The following TDRD6 variants were observed in gnomAD, a reference collection of about 807,000 sequenced individuals.
TDRD6 encodes tudor domain containing 6.
TDRD6 carries 186 observed loss-of-function variants against 157.5 expected under a neutral mutation model. That is an observed-to-expected ratio of 1.18 (90% CI 1.05 to 1.33). The LOEUF is 1.33. Ranked by LOEUF, TDRD6 falls within the 40% of genes most tolerant of loss-of-function variation. The pLI is 0.00. For synonymous variants in TDRD6, 1,075 were observed against 945.2 expected (o/e 1.14, Z -2.52); for missense variants, 3,066 against 2,508.0 (o/e 1.22, Z -4.75).
In TDRD6 at chr6:46,687,950, T is replaced by G. The variant is rs1236298634; in HGVS notation, c.-179T>G. The G allele has an allele frequency of 4.0e-6, 4 of 993,784 alleles. No homozygotes were observed. The highest frequency in any genetic ancestry group is 5.5e-6 in the Non-Finnish European group (4 of 729,236). The allele number at this position is 993,784 out of a possible 1,614,324, so 61.6% of individuals were successfully genotyped here. A position where few individuals can be genotyped will look rare whatever the true frequency, so the allele number is the denominator to read the frequency against. Reference sequence around the variant, plus strand: ...GGGTCTTACCAGTCCGTGGCGGGAGTCCCGGAGGACCCTCGACGGGGGAGT... The same window carrying G: ...GGGTCTTACCAGTCCGTGGCGGGAGGCCCGGAGGACCCTCGACGGGGGAGT... On this transcript the variant is annotated 5_prime_UTR_variant, in exon 1 of 4. Coordinates refer to ENST00000316081, the MANE Select transcript of TDRD6 (RefSeq NM_001010870.3).
Position 46,691,255 on chromosome 6 carries a change from A to C in TDRD6, c.3127A>C (p.Lys1043Gln). ...PLNPGTLCLA[K>Q]YTDGNWYRGI... The stretch of plus-strand genomic sequence containing the variant: ...GAACCCTGGAACCTTGTGCCTTGCC[A>C]AGTATACTGATGGAAACTGGTATAG... Residue 1043 changes from lysine to glutamine, a missense_variant, in exon 1 of 4, where the codon AAG (lysine) becomes CAG (glutamine). Physicochemically the swap from Lys to Gln is moderately conservative, Grantham distance 53. Transcript: ENST00000316081. The C allele has an allele frequency of 6.2e-7, 1 of 1,614,098 alleles. No homozygotes were observed. The highest frequency in any genetic ancestry group is 1.6e-4 in the Middle Eastern group (1 of 6,062).
At position 46,690,769 on chromosome 6, in the gene TDRD6, A is replaced by T. The variant is rs1764288573; in HGVS notation, c.2641A>T (p.Arg881Trp). 3 of 1,614,054 alleles carry T rather than the reference A, an allele frequency of 1.9e-6. No individual in the cohort carries two copies. Among genetic ancestry groups the T allele is most frequent in the Admixed American group, 1.7e-5 (1 of 60,012 alleles). ...TCTGAAGGTTAAGGCACAGGCTTTT[A>T]GGTGCAGTCTTTATAATTTAATTCA... ...EFLKVKAQAF[R>W]CSLYNLIQPV... Residue 881 changes from arginine to tryptophan, a missense_variant, in exon 1 of 4, where the codon AGG becomes TGG. Physicochemically the swap from Arg to Trp is moderately radical, Grantham distance 101. Transcript: ENST00000316081.
chr6:46,688,565 C>A lies in TDRD6; in HGVS notation c.437C>A (p.Pro146Gln). The change falls in exon 1 of 4, where the codon CCG (proline) becomes CAG (glutamine). Residue 146 changes from proline (P) to glutamine (Q), a missense_variant. Physicochemically the swap from Pro to Gln is moderately conservative, Grantham distance 76. Transcript: ENST00000316081. ...PAGCGAGSGE[P>Q]PQHWPADAVD... ...GGCTGCGGCGCGGGCTCAGGCGAGC[C>A]GCCGCAGCACTGGCCCGCCGACGCC... 1 of 1,588,796 alleles carries A rather than the reference C, an allele frequency of 6.3e-7. No homozygotes were observed. Among genetic ancestry groups the A allele is most frequent in the African/African-American group, 1.3e-5 (1 of 74,742 alleles).
In TDRD6 at chr6:46,699,485, A is replaced by G. The variant is rs560409136; in HGVS notation, c.6261+1398A>G. Among the ~76,000 whole-genome samples the G allele has an allele frequency of 7.4e-4, 112 of 152,252 alleles. No individual in the cohort carries two copies. The South Asian group carries it at 0.022, about 30-fold the overall frequency. On this transcript the variant is annotated intron_variant, in intron 3 of 3. Transcript: ENST00000316081. ...GCCAGAAAAAAAAATAGAAATAAAC[A>G]TAACACCACAATACAGCAAAGAGAT... is the stretch of plus-strand genomic sequence containing the variant.
Position 46,689,854 on chromosome 6 carries a change from G to A in TDRD6, c.1726G>A (p.Glu576Lys), listed in dbSNP as rs755156872. The change falls in exon 1 of 4, where the codon GAA becomes AAA. Residue 576 changes from glutamate (E) to lysine (K), a missense_variant. Coordinates refer to ENST00000316081, the MANE Select transcript of TDRD6 (RefSeq NM_001010870.3). ...DVFLVDRGNS[E>K]NVDWYDVRML... ...ATTCTTAGTTGACCGAGGCAATTCG[G>A]AAAATGTGGACTGGTATGACGTAAG... 9.3e-6 allele frequency: 15 copies of A among 1,614,064 alleles called. No individual in the cohort carries two copies. Among genetic ancestry groups the A allele is most frequent in the Admixed American group, 5.0e-5 (3 of 60,012 alleles).
chr6:46,699,141 C>T (rs1764564522), intron 3 of TDRD6, among the ~76,000 whole-genome samples: 1 of 152,150 alleles, frequency 6.6e-6, no homozygotes, highest in Non-Finnish European at 1.5e-5. Context: ...AACTCCTTTC[C>T]TCTCTGAGAT....
chr6:46,684,871 A>G (rs1327524194), upstream of TDRD6, among the ~76,000 whole-genome samples: 2 of 152,170 alleles, frequency 1.3e-5, no homozygotes, highest in African/African-American at 4.8e-5. Flanking sequence ...GCAAGTACAT[A>G]GTTTTTAAAA....
In TDRD6 at chr6:46,701,996, A is replaced by C; in HGVS notation, c.*109A>C. ...AAAATTGAAAACATGTAACCACAAG[A>C]AGTTGTCATTTTCAAAAACTTCTAT... On this transcript the variant is annotated 3_prime_UTR_variant, in exon 4 of 4. Transcript: ENST00000316081. 1 of 1,336,260 alleles carries C rather than the reference A, an allele frequency of 7.5e-7. No homozygotes were observed. The highest frequency in any genetic ancestry group is 1.3e-5 in the South Asian group (1 of 77,290). The allele number at this position is 1,336,260 out of a possible 1,614,324, so 82.8% of individuals were successfully genotyped here. A position where few individuals can be genotyped will look rare whatever the true frequency, so the allele number is the denominator to read the frequency against.
chr6:46,693,740 C>A lies in TDRD6; in HGVS notation c.5612C>A (p.Pro1871Gln). Residue 1871 changes from proline (P) to glutamine (Q), a missense_variant, in exon 1 of 4, where the codon CCG becomes CAG. Physicochemically the swap from Pro to Gln is moderately conservative, Grantham distance 76. Coordinates refer to ENST00000316081, the MANE Select transcript of TDRD6 (RefSeq NM_001010870.3). ...GATGAAGAAAAAGGGGAGCTAAGCCCGGTGCCACCGAATGTGCCACTCTCC... is the reference window on the plus strand; with the variant it reads ...GATGAAGAAAAAGGGGAGCTAAGCCAGGTGCCACCGAATGTGCCACTCTCC... ...VVDEEKGELS[P>Q]VPPNVPLSQE... 6.2e-7 allele frequency: 1 copy of A among 1,614,108 alleles called. No individual in the cohort carries two copies. The highest frequency in any genetic ancestry group is 8.5e-7 in the Non-Finnish European group (1 of 1,180,034).
At chr6:46,699,417 C>T (rs2150685011) in intron 3 of TDRD6, among the ~76,000 whole-genome samples, 1 of 152,318 alleles carries the variant, frequency 6.6e-6, no homozygotes, top group South Asian at 2.1e-4. Flanking sequence ...GTTGCCATAG[C>T]TGTCACCAGG....
In TDRD6 at chr6:46,698,104, ATAGTAAT is replaced by A. The variant is rs767177717; in HGVS notation, c.6261+22_6261+28del. 6.5e-7 allele frequency: 1 copy of A among 1,528,458 alleles called. No individual in the cohort carries two copies. The highest frequency in any genetic ancestry group is 9.0e-7 in the Non-Finnish European group (1 of 1,106,064). The allele number at this position is 1,528,458 out of a possible 1,614,324, so 94.7% of individuals were successfully genotyped here. On this transcript the variant is annotated intron_variant, in intron 3 of 3. Coordinates refer to ENST00000316081, the MANE Select transcript of TDRD6 (RefSeq NM_001010870.3). ...CCACCTGAGGTATGGAATTCTATAAATAGTAATTAGTGAGAGCATTGTTCTTCATTTT... is the reference window on the plus strand; with the variant it reads ...CCACCTGAGGTATGGAATTCTATAAATAGTGAGAGCATTGTTCTTCATTTT...
chr6:46,682,035 G>A, the TDRD6 span, among the ~76,000 whole-genome samples: 1 of 152,048 alleles, frequency 6.6e-6, no homozygotes, highest in Non-Finnish European at 1.5e-5. Context: ...ACTTTAAAAT[G>A]GTTTCAATGG....
chr6:46,688,259 T>G lies in TDRD6; in HGVS notation c.131T>G (p.Leu44Arg). ...GLVGERRGEY[L>R]RLSREIQEAA... ...GTGGGCGAGCGGCGGGGCGAGTACC[T>G]GCGGCTGAGCCGGGAAATCCAGGAA... Residue 44 changes from leucine to arginine, a missense_variant, in exon 1 of 4, where the codon CTG (leucine) becomes CGG (arginine). Leu to Arg is a moderately radical substitution (Grantham distance 102). Transcript: ENST00000316081. The G allele has an allele frequency of 6.6e-7, 1 of 1,511,010 alleles. No homozygotes were observed. Among genetic ancestry groups the G allele is most frequent in the East Asian group, 2.5e-5 (1 of 39,682 alleles). 93.6% of individuals were successfully genotyped at this position (1,511,010 alleles called of 1,614,324 possible). A position where few individuals can be genotyped will look rare whatever the true frequency, so the allele number is the denominator to read the frequency against.
Position 46,689,599 on chromosome 6 carries a change from G to C in TDRD6, c.1471G>C (p.Ala491Pro). The C allele has an allele frequency of 6.2e-7, 1 of 1,614,170 alleles. No individual in the cohort carries two copies. The highest frequency in any genetic ancestry group is 1.1e-5 in the South Asian group (1 of 91,080). Reference sequence around the variant, plus strand: ...GTTAAAGATGAATGCCTTCTACGATGCGCAGGTAGAGTTTGTTAAAAATCC... The same window carrying C: ...GTTAAAGATGAATGCCTTCTACGATCCGCAGGTAGAGTTTGTTAAAAATCC... ...IRLKMNAFYD[A>P]QVEFVKNPSE... Residue 491 changes from alanine to proline, a missense_variant, in exon 1 of 4, where the codon GCG becomes CCG. Coordinates refer to ENST00000316081, the MANE Select transcript of TDRD6 (RefSeq NM_001010870.3).
rs746119811 is a variant in TDRD6, at chr6:46,694,018, T to C, written c.5890T>C (p.Cys1964Arg). 8.1e-6 allele frequency: 13 copies of C among 1,613,996 alleles called. No homozygotes were observed. In the South Asian group the frequency reaches 1.3e-4, roughly 16 times the overall value. ...RMSLHLHGAD[C>R]DPKTQNEMNI... Reference sequence around the variant, plus strand: ...GTCATTGCATCTACATGGAGCAGATTGTGATCCTAAAACACAGAATGAAAT... The same window carrying C: ...GTCATTGCATCTACATGGAGCAGATCGTGATCCTAAAACACAGAATGAAAT... Residue 1964 changes from cysteine to arginine, a missense_variant, in exon 1 of 4, where the codon TGT (cysteine) becomes CGT (arginine). Coordinates refer to ENST00000316081, the MANE Select transcript of TDRD6 (RefSeq NM_001010870.3).
chr6:46,696,393 C>A (rs746968026), intron 2 of TDRD6, among the ~76,000 whole-genome samples: 2 of 148,032 alleles, frequency 1.4e-5, no homozygotes, highest in East Asian at 2.0e-4. Context: ...TATTAGGGAG[C>A]CTGTTGATCG....
Position 46,688,155 on chromosome 6 carries a change from G to T in TDRD6, c.27G>T (p.Ala9=), listed in dbSNP as rs1474996375. The T allele has an allele frequency of 6.5e-6, 10 of 1,544,548 alleles. No individual in the cohort carries two copies. The highest frequency in any genetic ancestry group is 8.7e-6 in the Non-Finnish European group (10 of 1,151,920). The stretch of plus-strand genomic sequence containing the variant: ...TGTGCTCGACGCCCGGAATGCCGGC[G>T]CCGGGGGCCTCGCTGGCCCTGCGGG... MCSTPGMP[A]PGASLALRVS... is the part of the protein sequence containing the mutation. The change falls in exon 1 of 4, where the codon GCG becomes GCT. Residue 9 remains alanine, a synonymous_variant. Transcript: ENST00000316081.
upstream of TDRD6, among the ~76,000 whole-genome samples, chr6:46,683,476 T>C (rs762844500): frequency 9.2e-5 from 14 of 151,812 alleles, no homozygotes; most frequent in Non-Finnish European, 1.6e-4. Flanking sequence ...AAAAGAAAAA[T>C]ATGTGAATAA....
In TDRD6 at chr6:46,688,925, A is replaced by T; in HGVS notation, c.797A>T (p.His266Leu). 6.2e-7 allele frequency: 1 copy of T among 1,609,470 alleles called. No homozygotes were observed. The highest frequency in any genetic ancestry group is 2.2e-5 in the East Asian group (1 of 44,738). Residue 266 changes from histidine to leucine, a missense_variant, in exon 1 of 4, where the codon CAC (histidine) becomes CTC (leucine). Transcript: ENST00000316081. ...ITQVCHPHRIHCQLRSVSQEI... is the reference protein window; with the variant it reads ...ITQVCHPHRILCQLRSVSQEI... ...CAAGTGTGCCATCCCCACCGCATTC[A>T]CTGCCAGCTCCGCAGCGTCTCGCAG...
Sources: gnomAD v4.1 joint callset for allele counts (sites outside exome capture counted in the v4.1 genomes callset) on GRCh38, gnomAD v4.1.1 for gene constraint, MANE v1.5 for transcripts, NCBI Gene and HGNC (gene_info 2026-07-23, HGNC 2026-07-21) for gene names.